The following NREP variants were observed in gnomAD, a reference collection of about 807,000 sequenced individuals.
NREP encodes neuronal regeneration-related protein.
A neutral mutation model predicts 8.6 loss-of-function variants in NREP; 5 were observed. The observed-to-expected ratio is 0.58, with a 90% confidence interval of 0.30 to 1.22. NREP has a LOEUF of 1.22. Ranked by LOEUF, NREP falls within the 50% of genes most tolerant of loss-of-function variation. The pLI is 0.07. For missense variants in NREP, 86 were observed against 82.5 expected (o/e 1.04, Z -0.17); for synonymous variants, 27 against 28.0 (o/e 0.96, Z 0.11).
chr5:111,781,456 C>G (rs191890069), intron 2 of NREP, among the ~76,000 whole-genome samples: 1 of 152,138 alleles, frequency 6.6e-6, no homozygotes, highest in Non-Finnish European at 1.5e-5. Context: ...AGCCTTCTGA[C>G]GATTCTAGTT....
intron 2 of NREP, among the ~76,000 whole-genome samples, chr5:111,916,266 G>C (rs1255185213): frequency 6.6e-6 from 1 of 151,874 alleles, no homozygotes; most frequent in Non-Finnish European, 1.5e-5. Context: ...GAGAGAACAA[G>C]GTAGAGAGTT....
intron 2 of NREP, among the ~76,000 whole-genome samples, chr5:111,790,648 A>G (rs962436842): frequency 3.9e-5 from 6 of 152,128 alleles, no homozygotes; most frequent in African/African-American, 9.7e-5. Context: ...AATTATAACA[A>G]GCTGGAAACA....
intron 2 of NREP, among the ~76,000 whole-genome samples, chr5:111,751,035 T>C (rs1750328400): frequency 6.6e-6 from 1 of 152,234 alleles, no homozygotes; most frequent in Non-Finnish European, 1.5e-5. Context: ...AAATTACTTC[T>C]AGTTCACAAA....
chr5:111,902,993 CA>C (rs1357919786), intron 2 of NREP, among the ~76,000 whole-genome samples: 2 of 151,750 alleles, frequency 1.3e-5, no homozygotes, highest in East Asian at 3.9e-4. Flanking sequence ...TTATTGCTTA[CA>C]AAAGTGTCCT....
chr5:111,885,320 A>G (rs1379330619), intron 2 of NREP, among the ~76,000 whole-genome samples: 4 of 151,852 alleles, frequency 2.6e-5, no homozygotes, highest in African/African-American at 9.7e-5. Context: ...TCAATGAAAT[A>G]AAAGAGGATA....
chr5:111,847,001 A>G (rs147800103), intron 2 of NREP, among the ~76,000 whole-genome samples: 1 of 152,318 alleles, frequency 6.6e-6, no homozygotes, highest in East Asian at 1.9e-4. Context: ...GGGACCAAAC[A>G]CTAATAAAGG....
chr5:111,798,736 TG>T (rs1285141524), intron 2 of NREP, among the ~76,000 whole-genome samples: 5 of 7,284 alleles, frequency 6.9e-4, no homozygotes, highest in Admixed American at 2.0e-3. Flanking sequence ...TATTCCATGG[TG>T]TGTGTGTGTG....
chr5:111,944,398 C>A (rs1755918416), intron 2 of NREP, among the ~76,000 whole-genome samples: 1 of 152,082 alleles, frequency 6.6e-6, no homozygotes, highest in African/African-American at 2.4e-5. Flanking sequence ...GCCTCAACCT[C>A]CTGGGCTCAG....
At chr5:111,758,227 A>G, upstream of NREP, 5 of 985,456 alleles carry the variant, frequency 5.1e-6, no homozygotes, top group Non-Finnish European at 6.0e-6. Context: ...GTGCACACAC[A>G]CACGTGCACA....
At chr5:111,822,125 G>C (rs1353295929) in intron 2 of NREP, among the ~76,000 whole-genome samples, 1 of 152,130 alleles carries the variant, frequency 6.6e-6, no homozygotes, top group Non-Finnish European at 1.5e-5. Context: ...GCTCATTTCA[G>C]ACCAACCTTC....
intron 2 of NREP, among the ~76,000 whole-genome samples, chr5:111,859,351 A>G (rs767681169): frequency 1.3e-5 from 2 of 152,188 alleles, no homozygotes; most frequent in Non-Finnish European, 1.5e-5. Context: ...CAAAATATCC[A>G]TCCAAAGAAA....
chr5:111,975,420 C>A, intron 1 of NREP: 1 of 1,366,894 alleles, frequency 7.3e-7, no homozygotes, highest in Non-Finnish European at 1.0e-6. Flanking sequence ...GCACTGACCC[C>A]CCTGAGTGCC....
At chr5:111,781,340 G>T (rs957356640) in intron 2 of NREP, among the ~76,000 whole-genome samples, 1 of 152,110 alleles carries the variant, frequency 6.6e-6, no homozygotes, top group Non-Finnish European at 1.5e-5. Context: ...CCACCCCTAC[G>T]TGAGGAAGTC....
chr5:111,930,326 A>G lies in NREP; in HGVS notation c.135+44948T>C, dbSNP rs1227044364. On this transcript the variant is annotated intron_variant, in intron 2 of 3. Transcript: ENST00000395634. ...TCCACTCCATCTGTTACTAACACCA[A>G]ATGAGAATAAATGTAGTCCCCCACC... Among the ~76,000 whole-genome samples the G allele has an allele frequency of 2.6e-5, 4 of 152,158 alleles. No homozygotes were observed. In the South Asian group the frequency reaches 6.2e-4, roughly 24 times the overall value.
intron 2 of NREP, among the ~76,000 whole-genome samples, chr5:111,948,200 T>C (rs1383687284): frequency 1.3e-5 from 2 of 152,116 alleles, no homozygotes; most frequent in Admixed American, 6.6e-5. Context: ...ATCTTTCCTG[T>C]AATGCTATTT....
intron 2 of NREP, among the ~76,000 whole-genome samples, chr5:111,933,252 C>T (rs1265000872): frequency 6.6e-6 from 1 of 152,070 alleles, no homozygotes; most frequent in African/African-American, 2.4e-5. Flanking sequence ...ACTTTGTCTG[C>T]CACCCGGGAA....
intron 2 of NREP, among the ~76,000 whole-genome samples, chr5:111,961,955 G>A (rs1756492127): frequency 6.6e-6 from 1 of 152,184 alleles, no homozygotes; most frequent in Admixed American, 6.5e-5. Flanking sequence ...TTTGGAAGAA[G>A]GGAAGAAAAA....
chr5:111,760,270 C>T (rs190192743), upstream of NREP, among the ~76,000 whole-genome samples: 20 of 152,272 alleles, frequency 1.3e-4, no homozygotes, highest in African/African-American at 4.6e-4. Flanking sequence ...CCAAATGTTC[C>T]AAGGGGTCAG....
chr5:111,858,658 T>C (rs1006570354), intron 2 of NREP, among the ~76,000 whole-genome samples: 5 of 151,970 alleles, frequency 3.3e-5, no homozygotes, highest in African/African-American at 1.2e-4. Context: ...TCAAAAGAAT[T>C]TGGGAGCTAG....
Sources: allele counts gnomAD v4.1 joint callset (sites outside exome capture counted in the v4.1 genomes callset), GRCh38; gene constraint gnomAD v4.1.1; transcripts MANE v1.5; gene names NCBI Gene and HGNC (gene_info 2026-07-23, HGNC 2026-07-21).